Variants in ZFHX3 observed in about 807,000 individuals in gnomAD.
The protein encoded by ZFHX3 is zinc finger homeobox protein 3.
In ZFHX3, 42 loss-of-function variants were observed where a neutral mutation model predicts 279.1. The observed-to-expected ratio is 0.15, with a 90% CI of 0.12 to 0.19. The LOEUF is 0.19. ZFHX3 is among the 10% of genes least tolerant of loss of function. The pLI, the probability that ZFHX3 is intolerant of heterozygous loss-of-function variation, is 1.00. For synonymous variants in ZFHX3, 2,293 were observed against 1,957.8 expected, an observed-to-expected ratio of 1.17 and a Z score of -4.52; for missense variants, 4,981 against 4,754.0, an observed-to-expected ratio of 1.05 and a Z score of -1.40.
intron 2 of ZFHX3, among the ~76,000 whole-genome samples, chr16:72,955,505 A>C (rs1961209005): frequency 6.6e-6 from 1 of 152,230 alleles, no homozygotes; most frequent in Non-Finnish European, 1.5e-5. Context: ...TAGGCTGGGC[A>C]CAGTGGCTCA....
At chr16:72,947,920 C>G (rs1404652979) in intron 3 of ZFHX3, among the ~76,000 whole-genome samples, 1 of 152,218 alleles carries the variant, frequency 6.6e-6, no homozygotes, top group East Asian at 1.9e-4. Flanking sequence ...CCATTTACTA[C>G]AGGCCACACC....
chr16:73,204,188 G>T (rs1056897802), intron 5 of ZFHX3, among the ~76,000 whole-genome samples: 1 of 151,950 alleles, frequency 6.6e-6, no homozygotes. Flanking sequence ...CACGGACTAT[G>T]GGTCGGGGGT....
At chr16:73,272,158 G>A (rs1373604979) in intron 4 of ZFHX3, among the ~76,000 whole-genome samples, 3 of 152,120 alleles carry the variant, frequency 2.0e-5, no homozygotes, top group Non-Finnish European at 4.4e-5. Context: ...TAAAGGACTA[G>A]CTTTTATTTG....
intron 1 of ZFHX3, among the ~76,000 whole-genome samples, chr16:73,884,632 C>G (rs959596202): frequency 9.2e-5 from 14 of 152,176 alleles, no homozygotes; most frequent in African/African-American, 3.4e-4. Flanking sequence ...TTGACAGCTT[C>G]AGTGGTGGCT....
chr16:73,145,314 TCAGGGTCCAATGC>T (rs1966858243), intron 5 of ZFHX3, among the ~76,000 whole-genome samples: 1 of 152,134 alleles, frequency 6.6e-6, no homozygotes, highest in Non-Finnish European at 1.5e-5. Context: ...GTAGCCAATG[TCAGGGTCCAATGC>T]CAGGGGCCAA....
intron 5 of ZFHX3, among the ~76,000 whole-genome samples, chr16:73,153,133 C>A (rs548059451): frequency 6.6e-6 from 1 of 152,256 alleles, no homozygotes; most frequent in African/African-American, 2.4e-5. Context: ...CCCCACCACC[C>A]CAAACCACTT....
rs57402211 is a variant in ZFHX3 at position 73,591,692 on chromosome 16, C to CAAAA, written c.-1547+88484_-1547+88487dup. 2.7e-3 allele frequency among the ~76,000 whole-genome samples: 90 copies of CAAAA among 33,444 alleles called. 3 individuals carry two copies. Among genetic ancestry groups the CAAAA allele is most frequent in the African/African-American group, 3.8e-3 (40 of 10,452 alleles). The allele number at this position is 33,444 out of a possible 152,430, so 21.9% of individuals were successfully genotyped here. ...TGGGCGACAGAGCGAGACTCTGTCT[C>CAAAA]AAAAAAAAAAAAAAAAAAAAAAAAA... On this transcript the variant is annotated intron_variant, in intron 2 of 17. Transcript: ENST00000641206.
At chr16:73,234,910 T>A (rs2144935619) in intron 5 of ZFHX3, among the ~76,000 whole-genome samples, 1 of 152,304 alleles carries the variant, frequency 6.6e-6, no homozygotes, top group African/African-American at 2.4e-5. Context: ...TTGCTTTTAT[T>A]TTAATCTCTA....
At position 72,919,777 on chromosome 16, in the gene ZFHX3, C is replaced by CTTTTTTTTTTTTTT. The variant is rs532405250; in HGVS notation, c.3217-29829_3217-29816dup. On this transcript the variant is annotated intron_variant, in intron 3 of 9. Coordinates refer to ENST00000268489, the MANE Select transcript of ZFHX3 (RefSeq NM_006885.4). The stretch of plus-strand genomic sequence containing the variant: ...CAACTAAAACATGTATATGCACCAT[C>CTTTTTTTTTTTTTT]TTTTTTTTTTTTTTTTTTTTTTTTT... Among the ~76,000 whole-genome samples, 17 of 42,292 alleles carry CTTTTTTTTTTTTTT rather than the reference C, an allele frequency of 4.0e-4. 6 individuals carry two copies. Among genetic ancestry groups the CTTTTTTTTTTTTTT allele is most frequent in the African/African-American group, 1.3e-3 (12 of 9,516 alleles). 27.7% of individuals were successfully genotyped at this position (42,292 alleles called of 152,430 possible). A position where few individuals can be genotyped will look rare whatever the true frequency, so the allele number is the denominator to read the frequency against.
At chr16:73,352,693 C>G (rs1467805458) in intron 3 of ZFHX3, among the ~76,000 whole-genome samples, 1 of 151,802 alleles carries the variant, frequency 6.6e-6, no homozygotes, top group African/African-American at 2.4e-5. Context: ...CTATGTTGCC[C>G]AGGCTTCAAT....
chr16:73,057,453 G>A (rs1458747396), intron 1 of ZFHX3, among the ~76,000 whole-genome samples: 1 of 151,424 alleles, frequency 6.6e-6, no homozygotes, highest in Non-Finnish European at 1.5e-5. Context: ...TAAAATTCAG[G>A]AACACGGTTT....
chr16:73,321,061 G>T (rs1160077795), intron 3 of ZFHX3, among the ~76,000 whole-genome samples: 1 of 152,202 alleles, frequency 6.6e-6, no homozygotes, highest in Admixed American at 6.5e-5. Flanking sequence ...CAGAAAAGGG[G>T]GAAGGCACAG....
intron 3 of ZFHX3, among the ~76,000 whole-genome samples, chr16:73,338,394 G>T (rs1362875886): frequency 6.6e-6 from 1 of 152,100 alleles, no homozygotes; most frequent in Non-Finnish European, 1.5e-5. Context: ...GCAAATATTT[G>T]ATATGTAAGT....
At chr16:73,514,530 C>T (rs2019487574) in intron 2 of ZFHX3, among the ~76,000 whole-genome samples, 1 of 152,142 alleles carries the variant, frequency 6.6e-6, no homozygotes. Flanking sequence ...ATTATTTTTA[C>T]TATTCTCATT....
intron 3 of ZFHX3, among the ~76,000 whole-genome samples, chr16:73,372,150 A>G (rs1203835439): frequency 6.6e-6 from 1 of 152,198 alleles, no homozygotes; most frequent in Non-Finnish European, 1.5e-5. Flanking sequence ...GAGTTGAGAA[A>G]TGACTTCTAA....
At chr16:72,884,817 G>C (rs551068620) in intron 4 of ZFHX3, among the ~76,000 whole-genome samples, 1 of 152,162 alleles carries the variant, frequency 6.6e-6, no homozygotes, top group Non-Finnish European at 1.5e-5. Flanking sequence ...TTTTTCAAGA[G>C]CTTCTGGTAA....
At chr16:73,736,015 T>G (rs1194592391) in intron 1 of ZFHX3, among the ~76,000 whole-genome samples, 2 of 151,992 alleles carry the variant, frequency 1.3e-5, no homozygotes, top group African/African-American at 4.8e-5. Context: ...TACTAAGCAC[T>G]GGACTCACAG....
intron 7 of ZFHX3, chr16:73,125,217 T>TTG (rs34357857): frequency 7.0e-6 from 1 of 143,274 alleles, no homozygotes; most frequent in African/African-American, 2.5e-5. Context: ...TTTTTTTTTT[T>TTG]GCTAGGGTGA....
chr16:73,340,618 C>T lies in ZFHX3; in HGVS notation c.-1290-22282G>A, dbSNP rs147598538. On this transcript the variant is annotated intron_variant, in intron 3 of 17. Coordinates refer to the ZFHX3 transcript ENST00000641206. Reference sequence around the variant, plus strand: ...CTTGAACTCCTGGGCACAAGTAACACTCTCACTTCGGCCTCCTAAAGTGCT... The same window carrying T: ...CTTGAACTCCTGGGCACAAGTAACATTCTCACTTCGGCCTCCTAAAGTGCT... Among the ~76,000 whole-genome samples the T allele has an allele frequency of 8.0e-3, 1,214 of 152,350 alleles. 8 individuals carry two copies. The highest frequency in any genetic ancestry group is 0.014 in the Non-Finnish European group (919 of 68,036).
Sources: allele counts gnomAD v4.1 joint callset (sites outside exome capture counted in the v4.1 genomes callset), GRCh38; gene constraint gnomAD v4.1.1; transcripts MANE v1.5; gene names NCBI Gene and HGNC (gene_info 2026-07-23, HGNC 2026-07-21).